TTC39B: variants seen among roughly 807,000 people sequenced by gnomAD.
TTC39B encodes the protein tetratricopeptide repeat protein 39B.
In TTC39B, 92 loss-of-function variants were observed where a neutral mutation model predicts 96.6. The ratio of observed to expected loss-of-function variants is 0.95; its 90% CI spans 0.80 to 1.13. The LOEUF is 1.13. Ranked by LOEUF, TTC39B falls within the 50% of genes most tolerant of loss-of-function variation. TTC39B has a pLI of 0.00. For missense variants in TTC39B, 955 were observed against 809.3 expected, an observed-to-expected ratio of 1.18 and a Z score of -2.18; for synonymous variants, 367 against 299.4, an observed-to-expected ratio of 1.23 and a Z score of -2.33.
At chr9:15,285,645 G>C (rs1368429640) in intron 1 of TTC39B, among the ~76,000 whole-genome samples, 1 of 152,174 alleles carries the variant, frequency 6.6e-6, no homozygotes, top group Non-Finnish European at 1.5e-5. Flanking sequence ...ACGAGGTCAG[G>C]AGATGGAGAC....
At chr9:15,165,134 G>A (rs2118259021) in exon 20 of TTC39B, 1 of 152,334 alleles carries the variant, frequency 6.6e-6, no homozygotes, top group African/African-American at 2.4e-5. Context: ...ATCACCTGAG[G>A]TCAGGAGTTC....
exon 20 of TTC39B, chr9:15,169,298 T>G (rs1817585541): frequency 6.6e-6 from 1 of 152,186 alleles, no homozygotes; most frequent in Admixed American, 6.5e-5. Flanking sequence ...TAGAAAACAT[T>G]AACATATATG....
rs1410451814 is a variant in TTC39B at position 15,177,763 on chromosome 9, C to G, written c.1775G>C (p.Gly592Ala). The change falls in exon 18 of 20, where the codon GGA becomes GCA. Residue 592 changes from glycine to alanine, a missense_variant. Gly to Ala is a moderately conservative substitution (Grantham distance 60). Coordinates refer to ENST00000512701, the Ensembl canonical transcript of TTC39B. ...CCGCTGTAAGTTCTTGAGGCAACAT[C>G]CTTTAAGTAACTTCACTAAGCACTC... 1.9e-6 allele frequency: 3 copies of G among 1,613,332 alleles called. No homozygotes were observed. In the Admixed American group the frequency reaches 5.0e-5, roughly 27 times the overall value.
intron 16 of TTC39B, 142 bp downstream of exon 16, chr9:15,185,138 T>A (rs543119130): frequency 9.5e-7 from 1 of 1,056,678 alleles, no homozygotes; most frequent in South Asian, 2.0e-5. Context: ...ATTAATTATT[T>A]ATTTAGAAAT....
intron 1 of TTC39B, among the ~76,000 whole-genome samples, chr9:15,280,478 G>C (rs56166012): frequency 2.0e-5 from 3 of 152,232 alleles, no homozygotes; most frequent in Non-Finnish European, 2.9e-5. Context: ...GCAAATACGA[G>C]AAATTATTTA....
At chr9:15,205,785 C>A (rs1057226436) in intron 6 of TTC39B, among the ~76,000 whole-genome samples, 3 of 151,962 alleles carry the variant, frequency 2.0e-5, no homozygotes, top group Admixed American at 6.5e-5. Context: ...GCTTGGGGTA[C>A]ATGCAGAGGG....
chr9:15,187,098 A>T, intron 14 of TTC39B, 63 bp from the exon 15 acceptor site: 2 of 1,228,518 alleles, frequency 1.6e-6, no homozygotes, highest in Admixed American at 2.4e-5. Flanking sequence ...CTACCTTTCA[A>T]ATCAGGAATG....
rs1823480323 is a variant in TTC39B, at chr9:15,274,796, T to A, written c.241-6848A>T. Among the ~76,000 whole-genome samples the A allele has an allele frequency of 2.0e-5, 3 of 152,150 alleles. No individual in the cohort carries two copies. The South Asian group carries it at 6.2e-4, about 32-fold the overall frequency. On this transcript the variant is annotated intron_variant, in intron 1 of 19. Transcript: ENST00000512701. ...AGGCAATAATTTTTTTAGATTTTTT[T>A]AATAGACTTAGAAAAAACTGGAGAT...
chr9:15,307,187 C>G, exon 1 of TTC39B: 2 of 1,580,902 alleles, frequency 1.3e-6, no homozygotes, highest in Non-Finnish European at 1.7e-6. Context: ...GACTCCTGCT[C>G]TCGGCTCTGG....
At chr9:15,175,095 T>A in exon 19 of TTC39B, 1 of 1,613,602 alleles carries the variant, frequency 6.2e-7, no homozygotes, top group Non-Finnish European at 8.5e-7. Flanking sequence ...TCAAATAGAG[T>A]GAACGGCACT....
chr9:15,262,381 G>A (rs1336628624), intron 2 of TTC39B, among the ~76,000 whole-genome samples: 2 of 152,198 alleles, frequency 1.3e-5, no homozygotes, highest in African/African-American at 2.4e-5. Context: ...TTACAGGCGT[G>A]AGCCATAGCA....
intron 2 of TTC39B, among the ~76,000 whole-genome samples, chr9:15,260,014 G>C (rs772831626): frequency 3.3e-5 from 5 of 152,078 alleles, no homozygotes; most frequent in Non-Finnish European, 7.4e-5. Context: ...TTAGATTGTG[G>C]TGATGGCTCT....
intron 13 of TTC39B, 81 bp downstream of exon 13, chr9:15,189,493 T>C: frequency 2.0e-6 from 3 of 1,472,736 alleles, no homozygotes; most frequent in South Asian, 1.2e-5. Flanking sequence ...TTTACTTTTG[T>C]TGAATAAGTA....
intron 1 of TTC39B, among the ~76,000 whole-genome samples, chr9:15,281,879 TG>T (rs1356680716): frequency 4.6e-5 from 7 of 152,110 alleles, no homozygotes; most frequent in Admixed American, 3.3e-4. Context: ...GGTTTCACTA[TG>T]TTGGTCAGGC....
At chr9:15,294,588 CCT>C (rs1563795361) in intron 1 of TTC39B, among the ~76,000 whole-genome samples, 2 of 152,140 alleles carry the variant, frequency 1.3e-5, no homozygotes, top group Non-Finnish European at 2.9e-5. Flanking sequence ...CCTTTGAGCC[CCT>C]GTTTACTGCT....
chr9:15,233,913 G>C (rs1564373365), intron 2 of TTC39B, among the ~76,000 whole-genome samples: 1 of 151,244 alleles, frequency 6.6e-6, no homozygotes, highest in Non-Finnish European at 1.5e-5. Context: ...GAAGTGAGGA[G>C]CGCCTCTTCC....
At chr9:15,256,309 T>G (rs376430233) in intron 2 of TTC39B, among the ~76,000 whole-genome samples, 23 of 152,360 alleles carry the variant, frequency 1.5e-4, no homozygotes, top group African/African-American at 5.3e-4. Context: ...ACTTTACTCT[T>G]GGACCTTGCG....
At chr9:15,241,345 A>G (rs1822031460) in intron 2 of TTC39B, among the ~76,000 whole-genome samples, 1 of 152,192 alleles carries the variant, frequency 6.6e-6, no homozygotes, top group South Asian at 2.1e-4. Flanking sequence ...ATAGCAGTGA[A>G]TGAACCATAA....
In TTC39B at chr9:15,165,951, A is replaced by C. The variant is rs531246662; in HGVS notation, c.*6068T>G. The C allele has an allele frequency of 7.9e-5, 12 of 152,308 alleles. No homozygotes were observed. In the East Asian group the frequency reaches 2.1e-3, roughly 27 times the overall value. 9.4% of individuals were successfully genotyped at this position (152,308 alleles called of 1,614,324 possible). A position where few individuals can be genotyped will look rare whatever the true frequency, so the allele number is the denominator to read the frequency against. On this transcript the variant is annotated 3_prime_UTR_variant, in exon 20 of 20. Transcript: ENST00000512701. The stretch of plus-strand genomic sequence containing the variant: ...TTTATTATACTTATTTTTTATTCAA[A>C]GTTTTTGGCTACAAGTCTGCTACAC...
Sources: allele counts gnomAD v4.1 joint callset (sites outside exome capture counted in the v4.1 genomes callset), GRCh38; gene constraint gnomAD v4.1.1; transcripts MANE v1.5; gene names NCBI Gene and HGNC (gene_info 2026-07-23, HGNC 2026-07-21).